The following MELK variants were observed in gnomAD, a reference collection of about 807,000 sequenced individuals.
MELK encodes pEg3 kinase.
In MELK, 81 loss-of-function variants were observed where a neutral mutation model predicts 85.0. The ratio of observed to expected loss-of-function variants is 0.95; its 90% CI spans 0.80 to 1.15. The LOEUF (loss-of-function observed/expected upper bound fraction) is 1.15. Ranked by LOEUF, MELK falls within the 50% of genes most tolerant of loss-of-function variation. The pLI, the probability that MELK is intolerant of heterozygous loss-of-function variation, is 0.00. For synonymous variants in MELK, 252 were observed against 265.0 expected (o/e 0.95, Z 0.48); for missense variants, 754 against 777.5 (o/e 0.97, Z 0.36).
chr9:36,582,526 T>C (rs1046811709), intron 2 of MELK, among the ~76,000 whole-genome samples: 18 of 152,174 alleles, frequency 1.2e-4, no homozygotes, highest in Non-Finnish European at 4.4e-5. Flanking sequence ...CACACACATA[T>C]GTACACACCT....
intron 7 of MELK, chr9:36,607,048 G>T (rs547897409): frequency 1.3e-5 from 2 of 152,766 alleles, no homozygotes; most frequent in South Asian, 2.1e-4. Context: ...GCCTCCCAAA[G>T]TGCTGGGATT....
At chr9:36,617,423 C>T (rs1427946706) in intron 8 of MELK, among the ~76,000 whole-genome samples, 1 of 151,844 alleles carries the variant, frequency 6.6e-6, no homozygotes, top group East Asian at 1.9e-4. Context: ...ACCTCAATTT[C>T]CTGGGCTCAA....
At chr9:36,578,311 G>T (rs1172448835) in intron 1 of MELK, among the ~76,000 whole-genome samples, 2 of 149,862 alleles carry the variant, frequency 1.3e-5, no homozygotes, top group Non-Finnish European at 3.0e-5. Context: ...TCCATCACCT[G>T]TTACCTCTAA....
chr9:36,661,572 T>TAAATAAAACAATGAAAC (rs1271890721), intron 13 of MELK, among the ~76,000 whole-genome samples: 4 of 152,206 alleles, frequency 2.6e-5, no homozygotes, highest in Non-Finnish European at 5.9e-5. Context: ...ATTTCCTTAA[T>TAAATAAAACAATGAAAC]AAATAAAACA....
chr9:36,624,083 C>CTTT (rs774510229), intron 8 of MELK, among the ~76,000 whole-genome samples: 10 of 132,926 alleles, frequency 7.5e-5, no homozygotes, highest in East Asian at 4.2e-4. Context: ...TATTATACTT[C>CTTT]TTTTTTTTTT....
chr9:36,593,735 A>G (rs563192559), intron 4 of MELK, among the ~76,000 whole-genome samples: 23 of 152,300 alleles, frequency 1.5e-4, no homozygotes, highest in African/African-American at 5.1e-4. Context: ...TTTGTCACCC[A>G]GGCTGGAGTG....
At chr9:36,611,454 T>A (rs942581156) in intron 8 of MELK, among the ~76,000 whole-genome samples, 2 of 152,176 alleles carry the variant, frequency 1.3e-5, no homozygotes, top group African/African-American at 4.8e-5. Flanking sequence ...TGGGGAAAGT[T>A]AGCTAATGGA....
intron 7 of MELK, among the ~76,000 whole-genome samples, chr9:36,603,499 A>C (rs141410837): frequency 6.6e-6 from 1 of 151,238 alleles, no homozygotes; most frequent in East Asian, 2.0e-4. Context: ...TGGCATGACT[A>C]TGGCTCACGG....
At position 36,655,986 on chromosome 9, in the gene MELK, G is replaced by T. The variant is rs572973706; in HGVS notation, c.1054-1255G>T. Among the ~76,000 whole-genome samples, 11 of 152,194 alleles carry T rather than the reference G, an allele frequency of 7.2e-5. No individual in the cohort carries two copies. In the East Asian group the frequency reaches 1.5e-3, roughly 21 times the overall value. On this transcript the variant is annotated intron_variant, in intron 12 of 17. Transcript: ENST00000298048. ...TAAGAAATTCAAGTAAAATTGCTTGGCTAGATTAACAATATATCGAGGGAA... is the reference window on the plus strand; with the variant it reads ...TAAGAAATTCAAGTAAAATTGCTTGTCTAGATTAACAATATATCGAGGGAA...
At chr9:36,647,880 A>C (rs1299776389) in intron 11 of MELK, among the ~76,000 whole-genome samples, 1 of 152,074 alleles carries the variant, frequency 6.6e-6, no homozygotes, top group Non-Finnish European at 1.5e-5. Flanking sequence ...TGCTTCCCCT[A>C]CTAGATTGAT....
intron 9 of MELK, among the ~76,000 whole-genome samples, chr9:36,632,524 C>T (rs1828739278): frequency 6.6e-6 from 1 of 152,142 alleles, no homozygotes; most frequent in Non-Finnish European, 1.5e-5. Flanking sequence ...AAATTTACCT[C>T]AGGCTCACTC....
At chr9:36,584,719 CTT>C (rs869168768) in intron 3 of MELK, among the ~76,000 whole-genome samples, 17 of 129,710 alleles carry the variant, frequency 1.3e-4, no homozygotes, top group East Asian at 2.2e-4. Flanking sequence ...TATGTCCTAG[CTT>C]TTTTTTTTTT....
Position 36,677,164 on chromosome 9 carries a change from A to T in MELK, c.1783A>T (p.Thr595Ser). ...TTCTTATCTTGTTTTTCACAGTTATACACTGAAGTGTCAAACACAGTCAGA... is the reference window on the plus strand; with the variant it reads ...TTCTTATCTTGTTTTTCACAGTTATTCACTGAAGTGTCAAACACAGTCAGA... ...KHVDFVQKGY[T>S]LKCQTQSDFG... is the part of the protein sequence containing the mutation. Residue 595 changes from threonine to serine, a missense_variant, in exon 18 of 18, where the codon ACA becomes TCA. Physicochemically the swap from Thr to Ser is moderately conservative, Grantham distance 58. Transcript: ENST00000298048. 1 of 1,613,400 alleles carries T rather than the reference A, an allele frequency of 6.2e-7. No individual in the cohort carries two copies. The highest frequency in any genetic ancestry group is 8.5e-7 in the Non-Finnish European group (1 of 1,179,514).
At chr9:36,621,622 T>C (rs1284596433) in intron 8 of MELK, among the ~76,000 whole-genome samples, 1 of 152,174 alleles carries the variant, frequency 6.6e-6, no homozygotes, top group Non-Finnish European at 1.5e-5. Context: ...AGAGACTGAA[T>C]ACCTTACCCT....
intron 9 of MELK, 147 bp downstream of exon 9, chr9:36,630,514 T>A: frequency 1.6e-6 from 1 of 629,276 alleles, no homozygotes; most frequent in Non-Finnish European, 2.7e-6. Context: ...GATCCTTTCT[T>A]AATTATGTTG....
At chr9:36,628,594 A>T (rs1182428828) in intron 8 of MELK, among the ~76,000 whole-genome samples, 1 of 150,394 alleles carries the variant, frequency 6.6e-6, no homozygotes, top group African/African-American at 2.4e-5. Flanking sequence ...TAATTTTTGT[A>T]TTTTTAGTAG....
At chr9:36,588,697 A>G (rs1823213530) in intron 3 of MELK, among the ~76,000 whole-genome samples, 1 of 151,982 alleles carries the variant, frequency 6.6e-6, no homozygotes, top group Non-Finnish European at 1.5e-5. Flanking sequence ...CCTTTTTATA[A>G]TGAAGTTTTA....
At chr9:36,593,141 G>T (rs1823804141) in intron 4 of MELK, among the ~76,000 whole-genome samples, 1 of 148,970 alleles carries the variant, frequency 6.7e-6, no homozygotes, top group African/African-American at 2.5e-5. Context: ...CTTAGTACTG[G>T]ACATTGTTTC....
Position 36,677,514 on chromosome 9 carries a change from T to G in MELK, c.*177T>G, listed in dbSNP as rs1251741800. ...AAAGATATTATTTTGTGTATGAATC[T>G]AAATCAAGCCCATCTGTCATTATGT... On this transcript the variant is annotated 3_prime_UTR_variant, in exon 18 of 18. Transcript: ENST00000298048. The G allele has an allele frequency of 3.9e-6, 2 of 517,546 alleles. No homozygotes were observed. Among genetic ancestry groups the G allele is most frequent in the African/African-American group, 3.9e-5 (2 of 51,804 alleles). The allele number at this position is 517,546 out of a possible 1,614,324, so 32.1% of individuals were successfully genotyped here.
Sources: allele counts gnomAD v4.1 joint callset (sites outside exome capture counted in the v4.1 genomes callset), GRCh38; gene constraint gnomAD v4.1.1; transcripts MANE v1.5; gene names NCBI Gene and HGNC (gene_info 2026-07-23, HGNC 2026-07-21).